The following ITGBL1 variants were observed in gnomAD, a reference collection of about 807,000 sequenced individuals.
The protein encoded by ITGBL1 is integrin beta-like protein 1.
In ITGBL1, 51 loss-of-function variants were observed where a neutral mutation model predicts 68.5. That is an observed-to-expected ratio of 0.74 (90% CI 0.59 to 0.94). The LOEUF is 0.94. Among genes scored for constraint, ITGBL1 ranks in the 40% least tolerant of loss-of-function variants. ITGBL1 has a pLI of 0.00. For missense variants in ITGBL1, 649 were observed against 647.4 expected, an observed-to-expected ratio of 1.00 and a Z score of -0.03; for synonymous variants, 209 against 227.3, an observed-to-expected ratio of 0.92 and a Z score of 0.72.
At chr13:101,599,509 C>G (rs2030216539) in intron 7 of ITGBL1, among the ~76,000 whole-genome samples, 1 of 151,992 alleles carries the variant, frequency 6.6e-6, no homozygotes, top group South Asian at 2.1e-4. Context: ...GAAGTCCTTG[C>G]CCATGCCTAT....
intron 2 of ITGBL1, among the ~76,000 whole-genome samples, chr13:101,501,427 A>G (rs2048938719): frequency 1.3e-5 from 2 of 152,192 alleles, no homozygotes; most frequent in African/African-American, 2.4e-5. Context: ...GAGTCCTGGC[A>G]TGCAGTGCCC....
chr13:101,544,168 C>T (rs1457416892), intron 2 of ITGBL1, among the ~76,000 whole-genome samples: 5 of 152,098 alleles, frequency 3.3e-5, no homozygotes, highest in Admixed American at 6.5e-5. Context: ...TCTGTTTTTT[C>T]CCCATCTTTG....
intron 7 of ITGBL1, among the ~76,000 whole-genome samples, chr13:101,611,071 G>T (rs551222889): frequency 6.6e-6 from 1 of 152,220 alleles, no homozygotes; most frequent in African/African-American, 2.4e-5. Context: ...ATAAGAAAAT[G>T]GTGGGAGACA....
intron 2 of ITGBL1, among the ~76,000 whole-genome samples, chr13:101,472,897 TGGACTGCTTTCTCATATATAGAGTCAA>T (rs1264323068): frequency 6.6e-6 from 1 of 152,188 alleles, no homozygotes; most frequent in Non-Finnish European, 1.5e-5. Flanking sequence ...ACTCTAAAAA[TGGACTGCTTTCTCATATATAGAGTCAA>T]GGATTTATAT....
chr13:101,593,323 T>C (rs1452752902), intron 6 of ITGBL1, among the ~76,000 whole-genome samples: 1 of 151,890 alleles, frequency 6.6e-6, no homozygotes, highest in Non-Finnish European at 1.5e-5. Context: ...TGGGTGAAAA[T>C]GTAAATTAGT....
chr13:101,494,672 A>G lies in ITGBL1; in HGVS notation c.316+40572A>G, dbSNP rs190946064. On this transcript the variant is annotated intron_variant, in intron 2 of 10. Transcript: ENST00000376180. ...CCAATAATATAAAATAAATGATAGC[A>G]TATTAACTAATGTGGTAATTTACAG... 1.1e-3 allele frequency among the ~76,000 whole-genome samples: 170 copies of G among 152,330 alleles called. 1 individual carries two copies. The highest frequency in any genetic ancestry group is 4.0e-3 in the African/African-American group (166 of 41,570).
At chr13:101,497,859 A>T (rs1045029551) in intron 2 of ITGBL1, among the ~76,000 whole-genome samples, 93 of 147,372 alleles carry the variant, frequency 6.3e-4, no homozygotes, top group Non-Finnish European at 1.2e-3. Context: ...TAAGCTGATA[A>T]TTTTTTTTTT....
intron 3 of ITGBL1, among the ~76,000 whole-genome samples, chr13:101,570,010 C>T (rs1186819503): frequency 6.6e-6 from 1 of 152,130 alleles, no homozygotes; most frequent in African/African-American, 2.4e-5. Context: ...TCACCTGACA[C>T]AGTATTGACA....
intron 2 of ITGBL1, among the ~76,000 whole-genome samples, chr13:101,500,364 T>A (rs564469604): frequency 6.6e-6 from 1 of 152,328 alleles, no homozygotes; most frequent in South Asian, 2.1e-4. Flanking sequence ...AAGGATGCAA[T>A]TAAAGCATTG....
At chr13:101,595,354 G>T (rs1366661439) in intron 6 of ITGBL1, among the ~76,000 whole-genome samples, 1 of 152,012 alleles carries the variant, frequency 6.6e-6, no homozygotes, top group African/African-American at 2.4e-5. Context: ...TCAGCAAAAG[G>T]ACAGCATTAA....
chr13:101,482,474 T>A (rs2048639605), intron 2 of ITGBL1, among the ~76,000 whole-genome samples: 1 of 152,102 alleles, frequency 6.6e-6, no homozygotes, highest in Admixed American at 6.6e-5. Flanking sequence ...CTACTCTCTT[T>A]TATAATGAAA....
intron 2 of ITGBL1, among the ~76,000 whole-genome samples, chr13:101,567,148 G>A (rs1211211468): frequency 2.0e-5 from 3 of 152,160 alleles, no homozygotes; most frequent in African/African-American, 7.2e-5. Flanking sequence ...AGAAATTTAT[G>A]TGGAGGCAGA....
intron 7 of ITGBL1, among the ~76,000 whole-genome samples, chr13:101,642,487 C>A (rs1023914365): frequency 6.6e-5 from 10 of 152,110 alleles, no homozygotes; most frequent in African/African-American, 2.4e-4. Flanking sequence ...GAGTAGGTTG[C>A]AAAAATTTTC....
Position 101,706,826 on chromosome 13 carries a change from G to A in ITGBL1, c.1203G>A (p.Pro401=), listed in dbSNP as rs62637620. Residue 401 remains proline, a synonymous_variant, in exon 9 of 11, where the codon CCG becomes CCA. Coordinates refer to ENST00000376180, the MANE Select transcript of ITGBL1 (RefSeq NM_004791.3). ...RGWFGKLCQH[P]RKCNMTEEQS... ...GGTTTGGAAAGCTCTGCCAACATCC[G>A]CGGAAGTGTAACATGACGGAAGAAC... The A allele has an allele frequency of 1.2e-3, 1,964 of 1,614,144 alleles. 13 individuals are homozygous for A. In the African/African-American group the frequency reaches 0.021, roughly 18 times the overall value.
intron 6 of ITGBL1, among the ~76,000 whole-genome samples, chr13:101,584,683 AT>A (rs1368900282): frequency 1.3e-5 from 2 of 152,044 alleles, no homozygotes; most frequent in Non-Finnish European, 2.9e-5. Context: ...TCTTGAGGGT[AT>A]TTTTTTCTAT....
intron 2 of ITGBL1, among the ~76,000 whole-genome samples, chr13:101,470,351 A>G (rs1335897191): frequency 4.0e-5 from 6 of 150,492 alleles, no homozygotes; most frequent in African/African-American, 1.5e-4. Flanking sequence ...TTTTTTTGAG[A>G]TGGAGTCTCG....
At chr13:101,613,088 A>G (rs535165992) in intron 7 of ITGBL1, among the ~76,000 whole-genome samples, 12 of 152,084 alleles carry the variant, frequency 7.9e-5, no homozygotes, top group East Asian at 1.9e-4. Context: ...AACTTTTTGG[A>G]CCCTTAACTT....
chr13:101,700,171 A>G lies in ITGBL1; in HGVS notation c.1133-6585A>G, dbSNP rs556480877. 2.6e-5 allele frequency among the ~76,000 whole-genome samples: 4 copies of G among 152,242 alleles called. No homozygotes were observed. The South Asian group carries it at 8.3e-4, about 32-fold the overall frequency. ...GCCTAGCTGCTTACTTGACCTCACT[A>G]TCTCATTGTCTTAAGAGTGTCTCAA... On this transcript the variant is annotated intron_variant, in intron 8 of 10. Coordinates refer to ENST00000376180, the MANE Select transcript of ITGBL1 (RefSeq NM_004791.3).
intron 2 of ITGBL1, among the ~76,000 whole-genome samples, chr13:101,472,024 T>G (rs1469952780): frequency 6.6e-6 from 1 of 151,884 alleles, no homozygotes; most frequent in African/African-American, 2.4e-5. Flanking sequence ...ATCAATTACA[T>G]AGTAAATTAT....
Sources: gnomAD v4.1 joint callset for allele counts (sites outside exome capture counted in the v4.1 genomes callset) on GRCh38, gnomAD v4.1.1 for gene constraint, MANE v1.5 for transcripts, NCBI Gene and HGNC (gene_info 2026-07-23, HGNC 2026-07-21) for gene names.